Variants in MTMR4 observed in about 807,000 individuals in gnomAD.
MTMR4 encodes the protein myotubularin related protein 4.
A neutral mutation model predicts 125.5 loss-of-function variants in MTMR4; 30 were observed. The ratio of observed to expected loss-of-function variants is 0.24; its 90% CI spans 0.18 to 0.32. MTMR4 has a LOEUF of 0.32. MTMR4 is among the 10% of genes least tolerant of loss of function. The pLI is 1.00. For synonymous variants in MTMR4, 498 were observed against 564.5 expected, an observed-to-expected ratio of 0.88 and a Z score of 1.67; for missense variants, 1,039 against 1,511.5, an observed-to-expected ratio of 0.69 and a Z score of 5.18.
intron 15 of MTMR4, 22 bp from the exon 16 acceptor site, chr17:58,492,974 C>A: frequency 6.3e-7 from 1 of 1,580,234 alleles, no homozygotes; most frequent in Non-Finnish European, 8.7e-7. Context: ...GCAAAGACAA[C>A]AAATTATCTT....
In MTMR4 at chr17:58,505,461, G is replaced by C. The variant is rs778868732; in HGVS notation, c.1145+11C>G. The C allele has an allele frequency of 6.3e-7, 1 of 1,599,310 alleles. No homozygotes were observed. Among genetic ancestry groups the C allele is most frequent in the Non-Finnish European group, 8.6e-7 (1 of 1,167,862 alleles). On this transcript the variant is annotated intron_variant, in intron 10 of 17. Coordinates refer to ENST00000682306, the MANE Select transcript of MTMR4 (RefSeq NM_001378067.1). ...ATGAGACTGGAAGGAATCCAAGTAG[G>C]GAACACCTACTTGCTAGGATCCGGC...
At chr17:58,509,274 T>C (rs1471454929) in intron 4 of MTMR4, among the ~76,000 whole-genome samples, 1 of 151,450 alleles carries the variant, frequency 6.6e-6, no homozygotes, top group Non-Finnish European at 1.5e-5. Context: ...TGATAATGTC[T>C]CCTCTCTGCC....
upstream of MTMR4, chr17:58,515,023 C>T (rs186685136): frequency 4.4e-5 from 43 of 985,410 alleles, no homozygotes; most frequent in African/African-American, 7.3e-4. Context: ...CCTTCAATCC[C>T]GTGACTTCGT....
At chr17:58,514,026 A>T (rs1461058665) in intron 1 of MTMR4, 1 of 152,620 alleles carries the variant, frequency 6.6e-6, no homozygotes, top group East Asian at 1.9e-4. Context: ...CACATCCCAC[A>T]TCCCCAAGCA....
In MTMR4 at chr17:58,508,373, C is replaced by T. The variant is rs373260188; in HGVS notation, c.593+95G>A. ...TGTGGGAAGAGAAACCATGAGCCTT[C>T]CTCCCTCTCAGACTCAGAAGCTGTG... On this transcript the variant is annotated intron_variant, in intron 6 of 17. Transcript: ENST00000682306. The surrounding 1 kb of genome is among the most constrained non-coding windows in gnomAD (Gnocchi z 4.8). 7.2e-5 allele frequency: 111 copies of T among 1,543,880 alleles called. No individual in the cohort carries two copies. The African/African-American group carries it at 1.2e-3, about 17-fold the overall frequency.
intron 9 of MTMR4, 47 bp from the exon 10 acceptor site, chr17:58,505,630 G>A (rs781279572): frequency 2.0e-5 from 29 of 1,420,030 alleles, no homozygotes; most frequent in Non-Finnish European, 2.6e-5. Flanking sequence ...GTCCTAGGCC[G>A]GGCGCGGTGG....
chr17:58,516,548 C>T, upstream of MTMR4: 1 of 1,613,674 alleles, frequency 6.2e-7, no homozygotes, highest in Non-Finnish European at 8.5e-7. Context: ...TTACAGAAAA[C>T]ACAATGGCCT....
At chr17:58,514,884 C>G, upstream of MTMR4, 5 of 543,428 alleles carry the variant, frequency 9.2e-6, no homozygotes, top group Non-Finnish European at 9.4e-6. Flanking sequence ...AACCCATCCC[C>G]GCGCCCCCTC....
In MTMR4 at chr17:58,512,340, AC is replaced by A; in HGVS notation, c.252+49del. 6.8e-7 allele frequency: 1 copy of A among 1,466,746 alleles called. No individual in the cohort carries two copies. Among genetic ancestry groups the A allele is most frequent in the South Asian group, 1.1e-5 (1 of 88,000 alleles). 90.9% of individuals were successfully genotyped at this position (1,466,746 alleles called of 1,614,324 possible). On this transcript the variant is annotated intron_variant, in intron 3 of 17. Transcript: ENST00000682306. The surrounding 1 kb of genome is among the most constrained non-coding windows in gnomAD (Gnocchi z 4.1). ...CAGCCTTGGAACAATCCCACCTTGA[AC>A]TTCATAGGGATTCTAGCTTAGGGGT...
intron 14 of MTMR4, among the ~76,000 whole-genome samples, chr17:58,500,747 C>CAAAAAAAAAAAA (rs60355286): frequency 1.1e-5 from 1 of 92,182 alleles, no homozygotes; most frequent in Non-Finnish European, 2.1e-5. Flanking sequence ...GATTCTGTCT[C>CAAAAAAAAAAAA]AAAAAAAAAA....
chr17:58,512,317 G>C lies in MTMR4; in HGVS notation c.252+73C>G. The C allele has an allele frequency of 7.6e-7, 1 of 1,311,794 alleles. No homozygotes were observed. The highest frequency in any genetic ancestry group is 1.2e-5 in the South Asian group (1 of 84,050). 81.3% of individuals were successfully genotyped at this position (1,311,794 alleles called of 1,614,324 possible). A position where few individuals can be genotyped will look rare whatever the true frequency, so the allele number is the denominator to read the frequency against. ...TTTTTTAATGACATGATCAAGGACA[G>C]CCTTGGAACAATCCCACCTTGAACT... is the stretch of plus-strand genomic sequence containing the variant. On this transcript the variant is annotated intron_variant, in intron 3 of 17. Coordinates refer to ENST00000682306, the MANE Select transcript of MTMR4 (RefSeq NM_001378067.1). This position sits in a 1 kb window ranked among gnomAD's most constrained non-coding sequence, Gnocchi z 4.1.
At chr17:58,506,432 G>A (rs887065631) in intron 9 of MTMR4, among the ~76,000 whole-genome samples, 87 of 152,248 alleles carry the variant, frequency 5.7e-4, no homozygotes, top group African/African-American at 1.9e-3. Context: ...CAAGCCATCC[G>A]CCTGCCTCTG....
upstream of MTMR4, chr17:58,515,098 G>T: frequency 1.0e-6 from 1 of 980,332 alleles, no homozygotes; most frequent in Non-Finnish European, 1.2e-6. Flanking sequence ...AAAGGGAAAT[G>T]AGCTTTTTAT....
intron 17 of MTMR4, 135 bp downstream of exon 17, chr17:58,492,376 G>T: frequency 1.4e-6 from 1 of 721,430 alleles, no homozygotes; most frequent in Non-Finnish European, 2.3e-6. Flanking sequence ...TTACCATGTT[G>T]GCCAGGATGG....
chr17:58,516,520 C>A, upstream of MTMR4: 1 of 1,595,776 alleles, frequency 6.3e-7, no homozygotes, highest in Non-Finnish European at 8.6e-7. Context: ...GGCAGCTTCA[C>A]AGAGAAAGAC....
Position 58,505,470 on chromosome 17 carries a change from A to C in MTMR4, c.1145+2T>G. 1 of 1,608,280 alleles carries C rather than the reference A, an allele frequency of 6.2e-7. No homozygotes were observed. The highest frequency in any genetic ancestry group is 8.5e-7 in the Non-Finnish European group (1 of 1,175,762). On this transcript the variant is annotated splice_donor_variant, in intron 10 of 17. Coordinates refer to ENST00000682306, the MANE Select transcript of MTMR4 (RefSeq NM_001378067.1). LOFTEE classifies it high-confidence loss of function. ...GAAGGAATCCAAGTAGGGAACACCTACTTGCTAGGATCCGGCATCTGGCTA... is the reference window on the plus strand; with the variant it reads ...GAAGGAATCCAAGTAGGGAACACCTCCTTGCTAGGATCCGGCATCTGGCTA...
At position 58,508,103 on chromosome 17, in the gene MTMR4, G is replaced by A; in HGVS notation, c.707+58C>T. The A allele has an allele frequency of 7.5e-7, 1 of 1,339,616 alleles. No homozygotes were observed. 83.0% of individuals were successfully genotyped at this position (1,339,616 alleles called of 1,614,324 possible). On this transcript the variant is annotated intron_variant, in intron 7 of 17. Coordinates refer to ENST00000682306, the MANE Select transcript of MTMR4 (RefSeq NM_001378067.1). This position sits in a 1 kb window ranked among gnomAD's most constrained non-coding sequence, Gnocchi z 4.8. The stretch of plus-strand genomic sequence containing the variant: ...CAGGTTACCCAAAATCTCCAATTTT[G>A]ACTCTTTCCTTGTTGCATAAGAAAT...
intron 1 of MTMR4, among the ~76,000 whole-genome samples, chr17:58,513,266 T>C (rs1470514179): frequency 6.6e-6 from 1 of 152,148 alleles, no homozygotes; most frequent in African/African-American, 2.4e-5. Context: ...CTCTTTCCCT[T>C]AGACCCGCAT....
At position 58,504,036 on chromosome 17, in the gene MTMR4, G is replaced by A. The variant is rs781656873; in HGVS notation, c.1698+14C>T. 1 of 1,535,260 alleles carries A rather than the reference G, an allele frequency of 6.5e-7. No homozygotes were observed. The highest frequency in any genetic ancestry group is 2.1e-5 in the Admixed American group (1 of 47,032). On this transcript the variant is annotated intron_variant, in intron 13 of 17. Coordinates refer to ENST00000682306, the MANE Select transcript of MTMR4 (RefSeq NM_001378067.1). The surrounding 1 kb of genome is among the most constrained non-coding windows in gnomAD (Gnocchi z 7.1). ...TTTCTAAATAGCACCTACAGGAAAA[G>A]GGCTCAGACTCACCATGTCTGAGCT...
Sources: gnomAD v4.1 joint callset for allele counts (sites outside exome capture counted in the v4.1 genomes callset) on GRCh38, gnomAD v4.1.1 for gene constraint, Gnocchi (gnomAD v3.1) non-coding constraint, MANE v1.5 for transcripts, NCBI Gene and HGNC (gene_info 2026-07-23, HGNC 2026-07-21) for gene names.